Variants in TECR observed in about 807,000 individuals in gnomAD.
The protein encoded by TECR is trans-2,3-enoyl-CoA reductase, also known as very-long-chain enoyl-CoA reductase.
TECR carries 19 observed loss-of-function variants against 50.6 expected under a neutral mutation model. That is an observed-to-expected ratio of 0.38 (90% confidence interval 0.26 to 0.55). The LOEUF (loss-of-function observed/expected upper bound fraction) is 0.55, where lower values mean the gene tolerates loss of function less well. Among genes scored for constraint, TECR ranks in the 20% least tolerant of loss-of-function variants. The pLI is 0.79. For missense variants in TECR, 313 were observed against 408.3 expected (o/e 0.77, Z 2.01); for synonymous variants, 168 against 163.5 (o/e 1.03, Z -0.21).
chr19:14,533,684 C>G (rs2072757373), intron 1 of TECR, among the ~76,000 whole-genome samples: 1 of 150,136 alleles, frequency 6.7e-6, no homozygotes. Flanking sequence ...CCATAGTAGC[C>G]TCATATCACT....
intron 1 of TECR, among the ~76,000 whole-genome samples, chr19:14,535,210 T>A (rs2146556586): frequency 6.6e-6 from 1 of 150,382 alleles, no homozygotes; most frequent in South Asian, 2.1e-4. Context: ...CCCTCTCCAC[T>A]AAAAATATAA....
intron 1 of TECR, among the ~76,000 whole-genome samples, chr19:14,546,621 C>T (rs972737568): frequency 6.6e-6 from 1 of 152,178 alleles, no homozygotes; most frequent in African/African-American, 2.4e-5. Flanking sequence ...ACTACCGTGT[C>T]TAGCCTGGAT....
chr19:14,545,019 T>A (rs1469128297), intron 1 of TECR: 1 of 449,592 alleles, frequency 2.2e-6, no homozygotes, highest in Non-Finnish European at 4.5e-6. Context: ...CCCTCCCTGG[T>A]CCAAGCACCT....
chr19:14,565,939 G>C lies in TECR; in HGVS notation c.*68G>C, dbSNP rs760005339. The C allele has an allele frequency of 3.9e-6, 6 of 1,542,600 alleles. No homozygotes were observed. In the South Asian group the frequency reaches 7.1e-5, roughly 18 times the overall value. On this transcript the variant is annotated 3_prime_UTR_variant, in exon 13 of 13. Coordinates refer to ENST00000215567, the MANE Select transcript of TECR (RefSeq NM_138501.6). ...TTCTGGGGGAGGAGTGGGGCCCACA[G>C]CTCTCCAGCACCCGGAATAAAGCCC...
In TECR at chr19:14,534,423, C is replaced by CTTTTTTTTTT. The variant is rs756051119; in HGVS notation, c.15+4733_15+4742dup. ...ACAGGAGTGAGCCACCATGCCTGGC[C>CTTTTTTTTTT]TTTTTTTTTTTTTTTTTTTTTTTTT... On this transcript the variant is annotated intron_variant, in intron 1 of 12. Coordinates refer to ENST00000215567, the MANE Select transcript of TECR (RefSeq NM_138501.6). 5.7e-5 allele frequency among the ~76,000 whole-genome samples: 3 copies of CTTTTTTTTTT among 52,452 alleles called. 1 individual carries two copies. The highest frequency in any genetic ancestry group is 2.8e-4 in the African/African-American group (3 of 10,684). The allele number at this position is 52,452 out of a possible 152,430, so 34.4% of individuals were successfully genotyped here.
rs983901521 is a variant in TECR at position 14,563,193 on chromosome 19, G to A, written c.67-13G>A. 3 of 1,613,872 alleles carry A rather than the reference G, an allele frequency of 1.9e-6. No homozygotes were observed. The highest frequency in any genetic ancestry group is 2.5e-6 in the Non-Finnish European group (3 of 1,179,892). Reference sequence around the variant, plus strand: ...CCGCAGAGCTGACGTCCCTGCGCCTGTGCTTCCCCCAGGTGGAGCCCCACG... The same window carrying A: ...CCGCAGAGCTGACGTCCCTGCGCCTATGCTTCCCCCAGGTGGAGCCCCACG... On this transcript the variant is annotated splice_polypyrimidine_tract_variant and intron_variant, in intron 2 of 12. Coordinates refer to ENST00000215567, the MANE Select transcript of TECR (RefSeq NM_138501.6). The surrounding 1 kb of genome is among the most constrained non-coding windows in gnomAD (Gnocchi z 5.3).
chr19:14,554,610 G>A (rs115210372), intron 1 of TECR, among the ~76,000 whole-genome samples: 3,183 of 152,248 alleles, frequency 0.021, 49 homozygotes, highest in Non-Finnish European at 0.024. Flanking sequence ...TTCAGGCTGC[G>A]CCTCCAGGGG....
chr19:14,540,886 G>T (rs1389516184), intron 1 of TECR, among the ~76,000 whole-genome samples: 1 of 151,972 alleles, frequency 6.6e-6, no homozygotes, highest in Non-Finnish European at 1.5e-5. Context: ...CCAGGCTGGA[G>T]TGCAGTAGAG....
intron 1 of TECR, chr19:14,545,231 G>C (rs2073260203): frequency 8.8e-6 from 4 of 456,518 alleles, no homozygotes; most frequent in South Asian, 3.1e-5. Flanking sequence ...CTGCTTAGCT[G>C]CTCCCCCTAA....
chr19:14,559,316 A>G (rs1264183627), intron 1 of TECR, among the ~76,000 whole-genome samples: 1 of 151,860 alleles, frequency 6.6e-6, no homozygotes, highest in East Asian at 1.9e-4. Context: ...GAGACCGGGT[A>G]CCCAGCAGCA....
At chr19:14,559,794 A>G (rs2073850145) in intron 1 of TECR, among the ~76,000 whole-genome samples, 1 of 152,062 alleles carries the variant, frequency 6.6e-6, no homozygotes, top group Non-Finnish European at 1.5e-5. Flanking sequence ...CTCAAAAAAA[A>G]AAAAAAATTA....
Position 14,563,393 on chromosome 19 carries a change from G to C in TECR, c.118+136G>C. On this transcript the variant is annotated intron_variant, in intron 3 of 12. Transcript: ENST00000215567. This position sits in a 1 kb window ranked among gnomAD's most constrained non-coding sequence, Gnocchi z 5.3. The stretch of plus-strand genomic sequence containing the variant: ...AGTGTGGCCCAGGCTTCTGGGGCGT[G>C]ACTGGGGCAGGCGCCTCCACGTGGC... The C allele has an allele frequency of 1.1e-6, 1 of 950,174 alleles. No individual in the cohort carries two copies. The allele number at this position is 950,174 out of a possible 1,614,324, so 58.9% of individuals were successfully genotyped here.
intron 1 of TECR, among the ~76,000 whole-genome samples, chr19:14,538,701 T>A (rs2072991016): frequency 6.6e-6 from 1 of 150,394 alleles, no homozygotes; most frequent in Admixed American, 6.6e-5. Flanking sequence ...CCTGGCTAAT[T>A]TTTGTATTTT....
intron 1 of TECR, among the ~76,000 whole-genome samples, chr19:14,557,823 T>G (rs1360635328): frequency 1.3e-5 from 2 of 151,846 alleles, no homozygotes. Flanking sequence ...TGGCGCGATC[T>G]CGGTTCACTG....
At chr19:14,537,701 T>C (rs1210716180) in intron 1 of TECR, among the ~76,000 whole-genome samples, 2 of 151,948 alleles carry the variant, frequency 1.3e-5, no homozygotes, top group Non-Finnish European at 2.9e-5. Flanking sequence ...AATATAGTAA[T>C]CTTCCTAGTA....
intron 1 of TECR, among the ~76,000 whole-genome samples, chr19:14,549,363 C>T (rs1443061677): frequency 1.3e-5 from 2 of 152,038 alleles, no homozygotes; most frequent in Non-Finnish European, 2.9e-5. Context: ...CAGGCATGCG[C>T]CACCATGCCC....
chr19:14,549,774 C>A (rs1392483920), intron 1 of TECR, among the ~76,000 whole-genome samples: 1 of 151,930 alleles, frequency 6.6e-6, no homozygotes, highest in Admixed American at 6.6e-5. Flanking sequence ...GAAACCCCAT[C>A]TCTACTAAAA....
intron 1 of TECR, among the ~76,000 whole-genome samples, chr19:14,539,230 G>A (rs997334742): frequency 7.1e-6 from 1 of 141,134 alleles, no homozygotes; most frequent in Admixed American, 7.9e-5. Flanking sequence ...TCCTGACTTC[G>A]TGATCCACCT....
At chr19:14,559,260 G>T (rs1490886348) in intron 1 of TECR, among the ~76,000 whole-genome samples, 1 of 152,094 alleles carries the variant, frequency 6.6e-6, no homozygotes, top group African/African-American at 2.4e-5. Flanking sequence ...TCATTGTGCA[G>T]CCTCCACCTC....
Sources: allele counts gnomAD v4.1 joint callset (sites outside exome capture counted in the v4.1 genomes callset), GRCh38; gene constraint gnomAD v4.1.1; non-coding constraint Gnocchi (gnomAD v3.1); transcripts MANE v1.5; gene names NCBI Gene and HGNC (gene_info 2026-07-23, HGNC 2026-07-21).